Variants in EXOSC8 observed in about 807,000 individuals in gnomAD.
The protein encoded by EXOSC8 is exosome complex component RRP43.
A neutral mutation model predicts 39.9 loss-of-function variants in EXOSC8; 37 were observed. That is an observed-to-expected ratio of 0.93 (90% CI 0.71 to 1.22). EXOSC8 has a LOEUF of 1.22. Among genes scored for constraint, EXOSC8 ranks in the 50% most tolerant of loss-of-function variants. The probability of loss-of-function intolerance (pLI) is 0.00; values close to 1 mark genes in which losing one functional copy is unlikely to be tolerated. For synonymous variants in EXOSC8, 93 were observed against 109.5 expected (o/e 0.85, Z 0.94); for missense variants, 313 against 326.6 (o/e 0.96, Z 0.32).
At position 37,009,306 on chromosome 13, in the gene EXOSC8, AC is replaced by A; in HGVS notation, c.*9del. ...GAGTATGAAACCCAAATAAACAGCCACCACATTTTCAAAACAGATTTGTAAA... is the reference window on the plus strand; with the variant it reads ...GAGTATGAAACCCAAATAAACAGCCACACATTTTCAAAACAGATTTGTAAA... On this transcript the variant is annotated 3_prime_UTR_variant, in exon 11 of 11. Transcript: ENST00000389704. 6.8e-7 allele frequency: 1 copy of A among 1,473,878 alleles called. No homozygotes were observed. The highest frequency in any genetic ancestry group is 9.5e-7 in the Non-Finnish European group (1 of 1,056,196). The allele number at this position is 1,473,878 out of a possible 1,614,324, so 91.3% of individuals were successfully genotyped here.
intron 3 of EXOSC8, 28 bp downstream of exon 3, chr13:37,002,579 G>T: frequency 6.9e-7 from 1 of 1,459,794 alleles, no homozygotes; most frequent in South Asian, 1.2e-5. Context: ...ACTTTCAACT[G>T]TATGATATTC....
chr13:37,002,497 T>C lies in EXOSC8; in HGVS notation c.64T>C (p.Cys22Arg), dbSNP rs753446357. Residue 22 changes from cysteine to arginine, a missense_variant, in exon 3 of 11, where the codon TGC (cysteine) becomes CGC (arginine). Coordinates refer to ENST00000389704, the MANE Select transcript of EXOSC8 (RefSeq NM_181503.3). Reference protein sequence around the residue: ...EYYRRFLKENCRPDGRELGEF... With the variant: ...EYYRRFLKENRRPDGRELGEF... Reference sequence around the variant, plus strand: ...AAACATATTTATTTAGAAAGAGAACTGCCGTCCTGATGGAAGAGAACTTGG... The same window carrying C: ...AAACATATTTATTTAGAAAGAGAACCGCCGTCCTGATGGAAGAGAACTTGG... 3 of 1,579,560 alleles carry C rather than the reference T, an allele frequency of 1.9e-6. No individual in the cohort carries two copies. The highest frequency in any genetic ancestry group is 1.7e-6 in the Non-Finnish European group (2 of 1,158,732).
chr13:37,004,462 T>C lies in EXOSC8; in HGVS notation c.193-54T>C. ...TTCCATAACTGATTGCTAAATTGTC[T>C]TCATAATTTTTCAGTAGCTTCTTTC... On this transcript the variant is annotated intron_variant, in intron 4 of 10. Transcript: ENST00000389704. 2 of 1,286,968 alleles carry C rather than the reference T, an allele frequency of 1.6e-6. 1 individual carries two copies. Among genetic ancestry groups the C allele is most frequent in the South Asian group, 2.5e-5 (2 of 81,006 alleles). 79.7% of individuals were successfully genotyped at this position (1,286,968 alleles called of 1,614,324 possible). A position where few individuals can be genotyped will look rare whatever the true frequency, so the allele number is the denominator to read the frequency against.
In EXOSC8 at chr13:37,009,490, C is replaced by G; in HGVS notation, c.*191C>G. The G allele has an allele frequency of 5.8e-6, 5 of 860,808 alleles. No individual in the cohort carries two copies. Among genetic ancestry groups the G allele is most frequent in the Non-Finnish European group, 9.0e-6 (5 of 555,608 alleles). The allele number at this position is 860,808 out of a possible 1,614,324, so 53.3% of individuals were successfully genotyped here. ...AAGCAATGACTTAGGCAAACCAACCCTAGTTTGTTAAACCATTTCCCTGTT... is the reference window on the plus strand; with the variant it reads ...AAGCAATGACTTAGGCAAACCAACCGTAGTTTGTTAAACCATTTCCCTGTT... On this transcript the variant is annotated 3_prime_UTR_variant, in exon 11 of 11. Coordinates refer to ENST00000389704, the MANE Select transcript of EXOSC8 (RefSeq NM_181503.3).
intron 9 of EXOSC8, 22 bp downstream of exon 9, chr13:37,008,199 T>TA (rs746592008): frequency 8.9e-6 from 14 of 1,571,128 alleles, no homozygotes; most frequent in Non-Finnish European, 1.1e-5. Flanking sequence ...AAACTTACTT[T>TA]AAAATTTTCT....
At chr13:37,003,982 C>T (rs1453995125) in intron 4 of EXOSC8, 2 of 152,188 alleles carry the variant, frequency 1.3e-5, no homozygotes, top group East Asian at 1.9e-4. Context: ...AGTGATTCTC[C>T]TGCCTCAGCC....
chr13:37,008,903 A>G (rs991007696), intron 10 of EXOSC8, 68 bp downstream of exon 10: 2 of 966,102 alleles, frequency 2.1e-6, no homozygotes, highest in Admixed American at 1.9e-5. Flanking sequence ...TAAATTAGGG[A>G]GGGCCAAATA....
intron 5 of EXOSC8, among the ~76,000 whole-genome samples, chr13:37,005,534 G>A (rs1222399440): frequency 6.6e-6 from 1 of 152,068 alleles, no homozygotes; most frequent in East Asian, 1.9e-4. Context: ...TGCCTTTACT[G>A]TGGATTGATA....
chr13:37,009,071 G>A, intron 10 of EXOSC8, 113 bp from the exon 11 acceptor site: 2 of 747,664 alleles, frequency 2.7e-6, no homozygotes, highest in South Asian at 3.5e-5. Flanking sequence ...TCTTGAGACT[G>A]TACCCTGATT....
Position 37,006,957 on chromosome 13 carries a change from T to C in EXOSC8, c.391-18T>C. ...ATTAGAAGACTTTAATTTCCTTTTG[T>C]GTTTAATTCTATTTTAGCTTGTCTG... On this transcript the variant is annotated intron_variant, in intron 7 of 10. Coordinates refer to ENST00000389704, the MANE Select transcript of EXOSC8 (RefSeq NM_181503.3). 1.3e-6 allele frequency: 2 copies of C among 1,502,334 alleles called. No homozygotes were observed. The highest frequency in any genetic ancestry group is 1.9e-6 in the Non-Finnish European group (2 of 1,078,486). The allele number at this position is 1,502,334 out of a possible 1,614,324, so 93.1% of individuals were successfully genotyped here.
Position 37,008,315 on chromosome 13 carries a change from CCTGCACAATTATTTCTAGTCA to C in EXOSC8, c.608+152_608+172del, listed in dbSNP as rs535194098. 6.9e-4 allele frequency: 492 copies of C among 713,346 alleles called. 2 individuals are homozygous for C. In the African/African-American group the frequency reaches 8.2e-3, roughly 12 times the overall value. 44.2% of individuals were successfully genotyped at this position (713,346 alleles called of 1,614,324 possible). ...CTGGACACTTGAGTTTCTACTTGTC[CCTGCACAATTATTTCTAGTCA>C]CTGCACAATTATTACCTGTTCCTTG... On this transcript the variant is annotated intron_variant, in intron 9 of 10. Coordinates refer to ENST00000389704, the MANE Select transcript of EXOSC8 (RefSeq NM_181503.3).
chr13:37,004,643 T>A, intron 5 of EXOSC8, 82 bp downstream of exon 5: 1 of 852,020 alleles, frequency 1.2e-6, no homozygotes, highest in African/African-American at 1.7e-5. Context: ...GTTAAGTTGA[T>A]GTAAAGAAAA....
rs1318843064 is a variant in EXOSC8 at position 37,009,591 on chromosome 13, A to G, written c.*292A>G. On this transcript the variant is annotated 3_prime_UTR_variant, in exon 11 of 11. Transcript: ENST00000389704. ...GCAATGTAAAATACTGACACATTAA[A>G]AAAAACAAAAAGTAGAAACTCAATT... 1.9e-5 allele frequency: 30 copies of G among 1,565,222 alleles called. 1 individual carries two copies. Among genetic ancestry groups the G allele is most frequent in the Non-Finnish European group, 2.6e-5 (30 of 1,137,374 alleles).
intron 5 of EXOSC8, 149 bp downstream of exon 5, chr13:37,004,710 G>T: frequency 3.5e-6 from 2 of 577,058 alleles, no homozygotes; most frequent in Non-Finnish European, 6.1e-6. Context: ...AAAGTTTTCC[G>T]TGTGTTAGTA....
rs951313011 is a variant in EXOSC8, at chr13:37,003,068, G to A, written c.192+61G>A. On this transcript the variant is annotated intron_variant, in intron 4 of 10. Transcript: ENST00000389704. ...CAAAGTTAGCTTTATTTATTAGATT[G>A]TAATATACACCTGTAATTCTACTCT... 11 of 969,612 alleles carry A rather than the reference G, an allele frequency of 1.1e-5. No individual in the cohort carries two copies. In the East Asian group the frequency reaches 2.4e-4, roughly 21 times the overall value. The allele number at this position is 969,612 out of a possible 1,614,324, so 60.1% of individuals were successfully genotyped here.
Position 37,004,516 on chromosome 13 carries a change from G to A in EXOSC8, c.193G>A (p.Glu65Lys). The A allele has an allele frequency of 1.9e-6, 3 of 1,604,846 alleles. No homozygotes were observed. The highest frequency in any genetic ancestry group is 2.6e-6 in the Non-Finnish European group (3 of 1,173,570). The change falls in exon 5 of 11, where the codon GAA becomes AAA. Residue 65 changes from glutamate to lysine, a missense_variant and splice_region_variant. Glu to Lys is a moderately conservative substitution (Grantham distance 56). Coordinates refer to ENST00000389704, the MANE Select transcript of EXOSC8 (RefSeq NM_181503.3). The stretch of plus-strand genomic sequence containing the variant: ...AGGAAACATTTCTTTGCTACTATAG[G>A]AATTTGCAGCACCATCAACAGATGC... ...NTTVICGVKA[E>K]FAAPSTDAPD...
chr13:37,002,443 T>C, intron 2 of EXOSC8, 45 bp from the exon 3 acceptor site: 3 of 1,361,882 alleles, frequency 2.2e-6, no homozygotes, highest in Non-Finnish European at 3.1e-6. Flanking sequence ...ATGTGTAAAA[T>C]ATGTAATAGG....
chr13:37,000,942 CGTCGAGGCA>C (rs1034545551), intron 1 of EXOSC8, 120 bp downstream of exon 1: 1 of 1,251,480 alleles, frequency 8.0e-7, no homozygotes, highest in African/African-American at 1.6e-5. Flanking sequence ...TTTCCTTCCT[CGTCGAGGCA>C]GACGATGGGC....
chr13:37,002,589 C>G, intron 3 of EXOSC8, 38 bp downstream of exon 3: 1 of 1,380,978 alleles, frequency 7.2e-7, no homozygotes, highest in Middle Eastern at 1.8e-4. Flanking sequence ...GTATGATATT[C>G]CCAAGTTTTA....
Sources: allele counts gnomAD v4.1 joint callset (sites outside exome capture counted in the v4.1 genomes callset), GRCh38; gene constraint gnomAD v4.1.1; transcripts MANE v1.5; gene names NCBI Gene and HGNC (gene_info 2026-07-23, HGNC 2026-07-21).